Variants in PHF6 observed in about 807,000 individuals in gnomAD.
The protein encoded by PHF6 is PHD-like zinc finger protein.
In PHF6, 7 loss-of-function variants were observed where a neutral mutation model predicts 34.0. The observed-to-expected ratio is 0.21, with a 90% CI of 0.12 to 0.39. The LOEUF (loss-of-function observed/expected upper bound fraction) is 0.39. Ranked by LOEUF, PHF6 falls within the 10% of genes least tolerant of loss-of-function variation. The pLI is 1.00. For synonymous variants in PHF6, 89 were observed against 88.4 expected (o/e 1.01, Z -0.04); for missense variants, 128 against 262.8 (o/e 0.49, Z 3.55).
chrX:134,395,540 C>T (rs1026509022), intron 5 of PHF6, among the ~76,000 whole-genome samples: 1 of 111,867 alleles, frequency 8.9e-6, no homozygotes, highest in Non-Finnish European at 1.9e-5. Flanking sequence ...ATGTAATCTG[C>T]GATTGTTCTA....
intron 8 of PHF6, among the ~76,000 whole-genome samples, chrX:134,416,106 T>C (rs2077471613): frequency 9.1e-6 from 1 of 109,691 alleles, no homozygotes. Context: ...ATTACAGACA[T>C]GCACCAACAC....
chrX:134,414,661 G>A (rs2077465431), intron 7 of PHF6, among the ~76,000 whole-genome samples: 1 of 109,779 alleles, frequency 9.1e-6, no homozygotes, highest in Admixed American at 9.8e-5. Flanking sequence ...AAAAATACGC[G>A]AGTGATTCTA....
intron 3 of PHF6, among the ~76,000 whole-genome samples, chrX:134,386,599 C>T (rs1044357887): frequency 4.5e-5 from 5 of 110,419 alleles, no homozygotes; most frequent in African/African-American, 1.6e-4. Flanking sequence ...TTAGTACAGA[C>T]GGGGTTGGGA....
At chrX:134,416,118 C>T (rs2077471668) in intron 8 of PHF6, among the ~76,000 whole-genome samples, 1 of 109,431 alleles carries the variant, frequency 9.1e-6, no homozygotes, top group African/African-American at 3.3e-5. Context: ...CACCAACACG[C>T]CTGGATAATT....
intron 9 of PHF6, chrX:134,420,035 C>T (rs183630702): frequency 9.0e-6 from 1 of 111,269 alleles, no homozygotes; most frequent in African/African-American, 3.3e-5. Flanking sequence ...AAAAATTAGC[C>T]AGGCAAAGTG....
chrX:134,411,466 ATAAC>A (rs2077450451), intron 5 of PHF6, among the ~76,000 whole-genome samples: 1 of 110,726 alleles, frequency 9.0e-6, no homozygotes, highest in African/African-American at 3.3e-5. Context: ...TGTTTAATAA[ATAAC>A]ATTATTAAAT....
chrX:134,410,928 G>C (rs749160992), intron 5 of PHF6, among the ~76,000 whole-genome samples: 24 of 101,061 alleles, frequency 2.4e-4, no homozygotes, highest in South Asian at 4.6e-4. Flanking sequence ...CCTTTTTCCA[G>C]TTTATTGTTT....
intron 9 of PHF6, 55 bp downstream of exon 9, chrX:134,417,357 T>C: frequency 1.8e-6 from 2 of 1,111,466 alleles, no homozygotes; most frequent in Non-Finnish European, 2.5e-6. Flanking sequence ...CGTCCTTAAA[T>C]AGATGACATT....
chrX:134,404,229 T>A (rs756624155), intron 5 of PHF6, among the ~76,000 whole-genome samples: 1 of 112,200 alleles, frequency 8.9e-6, no homozygotes, highest in Non-Finnish European at 1.9e-5. Flanking sequence ...GGTCAACATA[T>A]CGATGTTAAC....
chrX:134,420,061 C>T (rs2077485582), intron 9 of PHF6: 1 of 111,098 alleles, frequency 9.0e-6, no homozygotes, highest in Non-Finnish European at 1.9e-5. Context: ...CGCCTGTAGC[C>T]CCAGCTATAC....
intron 3 of PHF6, among the ~76,000 whole-genome samples, chrX:134,387,372 G>A (rs1002785908): frequency 3.0e-4 from 33 of 111,383 alleles, no homozygotes; most frequent in Non-Finnish European, 5.5e-4. Context: ...TAATGGAGGA[G>A]ATCCAAAACC....
chrX:134,397,087 A>C (rs773477660), intron 5 of PHF6, among the ~76,000 whole-genome samples: 30 of 109,460 alleles, frequency 2.7e-4, no homozygotes, highest in Non-Finnish European at 4.4e-4. Context: ...ATTAAATTTG[A>C]GAATAATTGC....
At chrX:134,393,820 T>G (rs759220311) in intron 4 of PHF6, 89 bp from the exon 5 acceptor site, 123 of 866,356 alleles carry the variant, frequency 1.4e-4, no homozygotes, top group Non-Finnish European at 1.9e-4. Context: ...GCTAGTGAAT[T>G]GGGTGAAGTG....
intron 8 of PHF6, among the ~76,000 whole-genome samples, chrX:134,416,954 T>TCAGTAGTTTTTCTAATAAGC (rs2077474572): frequency 8.9e-6 from 1 of 112,054 alleles, no homozygotes; most frequent in African/African-American, 3.2e-5. Flanking sequence ...CCTGGGATGG[T>TCAGTAGTTTTTCTAATAAGC]CAGTAGTTTT....
At chrX:134,389,530 G>C (rs994517162) in intron 3 of PHF6, among the ~76,000 whole-genome samples, 5 of 111,462 alleles carry the variant, frequency 4.5e-5, no homozygotes, top group African/African-American at 6.5e-5. Flanking sequence ...GGTGCCTTGT[G>C]GTAGAGGGGT....
intron 3 of PHF6, among the ~76,000 whole-genome samples, chrX:134,385,129 G>T (rs2077326385): frequency 9.0e-6 from 1 of 111,521 alleles, no homozygotes; most frequent in South Asian, 3.7e-4. Context: ...CTGCCATTCA[G>T]AAGTCTTGTC....
intron 5 of PHF6, among the ~76,000 whole-genome samples, chrX:134,400,304 T>C (rs185101464): frequency 9.1e-6 from 1 of 109,315 alleles, no homozygotes; most frequent in East Asian, 2.9e-4. Flanking sequence ...CAGGCTGGTC[T>C]CGAACTCCTG....
chrX:134,411,948 G>A (rs886683465), intron 5 of PHF6, among the ~76,000 whole-genome samples: 9 of 111,522 alleles, frequency 8.1e-5, no homozygotes, highest in African/African-American at 2.9e-4. Flanking sequence ...TGGCCAGACT[G>A]GTCTCGAACT....
chrX:134,426,969 G>A lies in PHF6; in HGVS notation c.*1309G>A. The A allele has an allele frequency of 6.1e-6, 1 of 163,071 alleles. No homozygotes were observed. Among genetic ancestry groups the A allele is most frequent in the East Asian group, 9.0e-5 (1 of 11,065 alleles). 13.4% of individuals were successfully genotyped at this position (163,071 alleles called of 1,213,427 possible). ...AGATTTTTAAATAAGAAATAATAAT[G>A]TTAACTTGACTGTACATTGAGATAT... On this transcript the variant is annotated 3_prime_UTR_variant, in exon 11 of 11. Transcript: ENST00000370803.
Sources: allele counts gnomAD v4.1 joint callset (sites outside exome capture counted in the v4.1 genomes callset), GRCh38; gene constraint gnomAD v4.1.1; transcripts MANE v1.5; gene names NCBI Gene and HGNC (gene_info 2026-07-23, HGNC 2026-07-21).